The following CLMN variants were observed in gnomAD, a reference collection of about 807,000 sequenced individuals.
CLMN encodes the protein calmin.
In CLMN, 57 loss-of-function variants were observed where a neutral mutation model predicts 92.7. The observed-to-expected ratio is 0.61, with a 90% CI of 0.50 to 0.77. CLMN has a LOEUF of 0.77. Ranked by LOEUF, CLMN falls within the 30% of genes least tolerant of loss-of-function variation. CLMN has a pLI of 0.00. For missense variants in CLMN, 1,158 were observed against 1,237.5 expected (o/e 0.94, Z 0.96); for synonymous variants, 466 against 470.6 (o/e 0.99, Z 0.13).
At chr14:95,288,706 C>A (rs569561334) in intron 1 of CLMN, among the ~76,000 whole-genome samples, 1 of 152,330 alleles carries the variant, frequency 6.6e-6, no homozygotes, top group South Asian at 2.1e-4. Flanking sequence ...AATTCCACCC[C>A]TGTGTATAAG....
Position 95,203,462 on chromosome 14 carries a change from A to G in CLMN, c.1887T>C (p.His629=), listed in dbSNP as rs2140575357. ...SPEPQVKMDK[H]EPHQDSGEEA... is the part of the protein sequence containing the mutation. ...CTTCTCCGGAGTCCTGATGAGGTTCATGTTTGTCCATCTTAACTTGAGGCT... is the reference window on the plus strand; with the variant it reads ...CTTCTCCGGAGTCCTGATGAGGTTCGTGTTTGTCCATCTTAACTTGAGGCT... The change falls in exon 9 of 13, where the codon CAT becomes CAC. Residue 629 remains histidine, a synonymous_variant. Transcript: ENST00000298912. The G allele has an allele frequency of 1.2e-6, 2 of 1,614,060 alleles. No individual in the cohort carries two copies. Among genetic ancestry groups the G allele is most frequent in the South Asian group, 1.1e-5 (1 of 91,082 alleles).
intron 1 of CLMN, among the ~76,000 whole-genome samples, chr14:95,268,790 CTCTCTTT>C (rs1416486622): frequency 0.03 from 3,647 of 119,756 alleles, 22 homozygotes; most frequent in African/African-American, 0.042. Context: ...CTCTCTCTCT[CTCTCTTT>C]TTTTTTTTTT....
chr14:95,292,428 T>TCCCCC (rs1263766978), intron 1 of CLMN, among the ~76,000 whole-genome samples: 143 of 74,090 alleles, frequency 1.9e-3, no homozygotes, highest in African/African-American at 3.3e-3. Context: ...CCCCCAAGGG[T>TCCCCC]CCCCCACCCC....
chr14:95,245,226 T>TATATATATA (rs1898470810), intron 1 of CLMN, among the ~76,000 whole-genome samples: 2 of 24,932 alleles, frequency 8.0e-5, no homozygotes, highest in Admixed American at 7.2e-4. Flanking sequence ...ATATATATAT[T>TATATATATA]ATATATATAT....
intron 1 of CLMN, among the ~76,000 whole-genome samples, chr14:95,264,378 C>T (rs780635714): frequency 2.2e-4 from 34 of 152,098 alleles, no homozygotes; most frequent in African/African-American, 9.7e-5. Context: ...CTTGTGACCT[C>T]GGAGTGCCAG....
At chr14:95,198,265 G>T (rs1896780714) in intron 9 of CLMN, among the ~76,000 whole-genome samples, 1 of 151,688 alleles carries the variant, frequency 6.6e-6, no homozygotes, top group African/African-American at 2.4e-5. Context: ...GGCCAGGCTG[G>T]TCTCGAACTC....
intron 1 of CLMN, among the ~76,000 whole-genome samples, chr14:95,268,989 A>G (rs184259992): frequency 1.3e-4 from 19 of 151,772 alleles, no homozygotes; most frequent in African/African-American, 4.4e-4. Context: ...TTTTTAGCAG[A>G]GACAGGGTTT....
chr14:95,209,272 G>A (rs1004481266), intron 8 of CLMN, 123 bp downstream of exon 8: 3 of 813,656 alleles, frequency 3.7e-6, no homozygotes, highest in Admixed American at 1.8e-5. Flanking sequence ...AGGGACTTGG[G>A]AGCAACTGGC....
chr14:95,213,251 G>C lies in CLMN; in HGVS notation c.576C>G (p.Ala192=). 1.2e-6 allele frequency: 2 copies of C among 1,614,002 alleles called. No homozygotes were observed. The highest frequency in any genetic ancestry group is 2.7e-5 in the African/African-American group (2 of 75,014). ...SVKDQRKAIK[A]LLAWVQRKTR... is the part of the protein sequence containing the mutation. ...TTTTCCTCTGCACCCACGCCAACAG[G>C]GCCTTGATAGCCTTCCTCTGGTCTT... Residue 192 remains alanine, a synonymous_variant, in exon 6 of 13, where the codon GCC becomes GCG. Transcript: ENST00000298912.
chr14:95,319,898 G>T lies in CLMN; in HGVS notation c.-106C>A. On this transcript the variant is annotated 5_prime_UTR_variant, in exon 1 of 13. Transcript: ENST00000298912. Reference sequence around the variant, plus strand: ...ACGCACCCGGCGAGGGCGCCGCGGAGCTGGAGTCGCGGCGGGCGCGGGCGG... The same window carrying T: ...ACGCACCCGGCGAGGGCGCCGCGGATCTGGAGTCGCGGCGGGCGCGGGCGG... The T allele has an allele frequency of 5.7e-6, 2 of 350,110 alleles. No homozygotes were observed. The highest frequency in any genetic ancestry group is 7.0e-6 in the Non-Finnish European group (2 of 284,346). The allele number at this position is 350,110 out of a possible 1,614,324, so 21.7% of individuals were successfully genotyped here.
intron 1 of CLMN, among the ~76,000 whole-genome samples, chr14:95,245,194 AAT>A (rs1326720445): frequency 0.016 from 572 of 35,462 alleles, 13 homozygotes; most frequent in Middle Eastern, 0.025. Flanking sequence ...ATATATATAT[AAT>A]ATATATATAT....
chr14:95,207,583 T>C (rs1317896367), intron 8 of CLMN, among the ~76,000 whole-genome samples: 1 of 152,204 alleles, frequency 6.6e-6, no homozygotes, highest in African/African-American at 2.4e-5. Context: ...ATCCTTCACA[T>C]AGCCCTGAAA....
chr14:95,249,566 A>G (rs1380323594), intron 1 of CLMN, among the ~76,000 whole-genome samples: 1 of 151,814 alleles, frequency 6.6e-6, no homozygotes, highest in East Asian at 1.9e-4. Flanking sequence ...TCTTTCTAAC[A>G]AACAGAATCC....
chr14:95,299,789 T>C (rs1900966133), intron 1 of CLMN, among the ~76,000 whole-genome samples: 1 of 152,204 alleles, frequency 6.6e-6, no homozygotes, highest in African/African-American at 2.4e-5. Flanking sequence ...CTCCCTTCCC[T>C]GCCCAACCTT....
chr14:95,275,461 T>A (rs991172398), intron 1 of CLMN, among the ~76,000 whole-genome samples: 1 of 152,144 alleles, frequency 6.6e-6, no homozygotes, highest in Non-Finnish European at 1.5e-5. Flanking sequence ...CATGACAGTT[T>A]ACAAATGCCA....
chr14:95,216,458 A>C (rs1897349033), intron 4 of CLMN, among the ~76,000 whole-genome samples: 1 of 152,216 alleles, frequency 6.6e-6, no homozygotes, highest in Non-Finnish European at 1.5e-5. Context: ...CAACATGCCC[A>C]GTGTCACATA....
chr14:95,266,771 AC>A (rs1899490858), intron 1 of CLMN, among the ~76,000 whole-genome samples: 2 of 152,224 alleles, frequency 1.3e-5, no homozygotes, highest in Admixed American at 1.3e-4. Context: ...TGGAGGCATC[AC>A]ACTATCTGAC....
At chr14:95,206,372 A>G (rs1897047479) in intron 8 of CLMN, among the ~76,000 whole-genome samples, 1 of 152,214 alleles carries the variant, frequency 6.6e-6, no homozygotes, top group African/African-American at 2.4e-5. Flanking sequence ...AGCAGGAAAA[A>G]TCAGTATAAA....
intron 1 of CLMN, among the ~76,000 whole-genome samples, chr14:95,238,193 G>A (rs574941671): frequency 3.9e-4 from 59 of 152,286 alleles, no homozygotes; most frequent in African/African-American, 1.3e-3. Context: ...GCCCAGCCCC[G>A]CTTGGTGGTT....
Sources: allele counts gnomAD v4.1 joint callset (sites outside exome capture counted in the v4.1 genomes callset), GRCh38; gene constraint gnomAD v4.1.1; transcripts MANE v1.5; gene names NCBI Gene and HGNC (gene_info 2026-07-23, HGNC 2026-07-21).